CD1B: variants seen among roughly 807,000 people sequenced by gnomAD.
CD1B encodes CD1b molecule.
A neutral mutation model predicts 39.8 loss-of-function variants in CD1B; 43 were observed. That is an observed-to-expected ratio of 1.08 (90% CI 0.85 to 1.39). CD1B has a LOEUF of 1.39. Ranked by LOEUF, CD1B falls within the 40% of genes most tolerant of loss-of-function variation. The pLI, the probability that CD1B is intolerant of heterozygous loss-of-function variation, is 0.00. For synonymous variants in CD1B, 192 were observed against 152.5 expected, an observed-to-expected ratio of 1.26 and a Z score of -1.91; for missense variants, 495 against 403.8, an observed-to-expected ratio of 1.23 and a Z score of -1.94.
At chr1:158,324,654 A>G (rs1439977361), downstream of CD1B, among the ~76,000 whole-genome samples, 1 of 152,158 alleles carries the variant, frequency 6.6e-6, no homozygotes, top group Non-Finnish European at 1.5e-5. Flanking sequence ...AAATTTCCAC[A>G]GGCTAATTTT....
Position 158,330,838 on chromosome 1 carries a change from C to A in CD1B, c.286G>T (p.Ala96Ser), listed in dbSNP as rs756501763. 3.1e-6 allele frequency: 5 copies of A among 1,613,920 alleles called. No homozygotes were observed. Among genetic ancestry groups the A allele is most frequent in the Non-Finnish European group, 2.5e-6 (3 of 1,179,958 alleles). ...EIFRVYIFGFAREVQDFAGDF... is the reference protein window; with the variant it reads ...EIFRVYIFGFSREVQDFAGDF... ...CCGGCAAAGTCTTGTACTTCTCGAGCGAATCCAAAGATGTAGACTCGGAAT... is the reference window on the plus strand; with the variant it reads ...CCGGCAAAGTCTTGTACTTCTCGAGAGAATCCAAAGATGTAGACTCGGAAT... The change falls in exon 2 of 6, where the codon GCT becomes TCT. Residue 96 changes from alanine (A) to serine (S), a missense_variant. By Grantham distance (99) the Ala-to-Ser change is moderately conservative (BLOSUM62 1). Coordinates refer to ENST00000368168, the MANE Select transcript of CD1B (RefSeq NM_001764.3).
the CD1B span, among the ~76,000 whole-genome samples, chr1:158,305,029 C>G: frequency 6.6e-6 from 1 of 152,142 alleles, no homozygotes; most frequent in Non-Finnish European, 1.5e-5. Flanking sequence ...AATCAGAGTG[C>G]CTCTCCTCCT....
rs752184874 is a variant in CD1B at position 158,331,393 on chromosome 1, C to T, written c.31G>A (p.Val11Ile). ...TCACTGTTACCACCAGGAAAGAGAACAGCTAACAGTTGAAATGGCAGCAGC... is the reference window on the plus strand; with the variant it reads ...TCACTGTTACCACCAGGAAAGAGAATAGCTAACAGTTGAAATGGCAGCAGC... MLLLPFQLLA[V>I]LFPGGNSEHA... The change falls in exon 1 of 6, where the codon GTT (valine) becomes ATT (isoleucine). Residue 11 changes from valine to isoleucine, a missense_variant. Coordinates refer to ENST00000368168, the MANE Select transcript of CD1B (RefSeq NM_001764.3). 2 of 1,614,060 alleles carry T rather than the reference C, an allele frequency of 1.2e-6. No homozygotes were observed. The highest frequency in any genetic ancestry group is 2.2e-5 in the East Asian group (1 of 44,876).
the CD1B span, among the ~76,000 whole-genome samples, chr1:158,316,318 C>A: frequency 2.6e-5 from 4 of 151,912 alleles, no homozygotes; most frequent in African/African-American, 4.9e-5. Context: ...TTGTTTTTAT[C>A]CTCTTTTATT....
In CD1B at chr1:158,330,887, C is replaced by A; in HGVS notation, c.237G>T (p.Lys79Asn). 6.2e-7 allele frequency: 1 copy of A among 1,614,072 alleles called. No individual in the cohort carries two copies. The highest frequency in any genetic ancestry group is 8.5e-7 in the Non-Finnish European group (1 of 1,179,922). The change falls in exon 2 of 6, where the codon AAG becomes AAT. Residue 79 changes from lysine to asparagine, a missense_variant. Physicochemically the swap from Lys to Asn is moderately conservative, Grantham distance 94. Coordinates refer to ENST00000368168, the MANE Select transcript of CD1B (RefSeq NM_001764.3). ...ATATCTCCTCTAACTCAGCAACCTC[C>A]TTATCACTAAAGTTACCTTTAGACC... ...KPWSKGNFSD[K>N]EVAELEEIFR...
chr1:158,292,413 G>T, the CD1B span: 1 of 1,568,532 alleles, frequency 6.4e-7, no homozygotes, highest in South Asian at 1.2e-5. Flanking sequence ...TTCAAGTACT[G>T]CCCCTTCTGT....
the CD1B span, chr1:158,289,678 C>T: frequency 6.1e-6 from 1 of 163,988 alleles, no homozygotes; most frequent in African/African-American, 2.4e-5. Context: ...TTAAAACAAG[C>T]AGGAACTGAA....
At chr1:158,314,174 T>A in the CD1B span, among the ~76,000 whole-genome samples, 1 of 152,180 alleles carries the variant, frequency 6.6e-6, no homozygotes, top group African/African-American at 2.4e-5. Context: ...AACCTCTGCC[T>A]CCCAGGTTCA....
chr1:158,292,522 C>T, the CD1B span: 2 of 1,525,630 alleles, frequency 1.3e-6, no homozygotes, highest in South Asian at 2.4e-5. Context: ...TGTGCATATT[C>T]ATGTGGATGT....
At chr1:158,320,324 G>A in the CD1B span, among the ~76,000 whole-genome samples, 1 of 152,212 alleles carries the variant, frequency 6.6e-6, no homozygotes, top group Non-Finnish European at 1.5e-5. Flanking sequence ...TGTGGGCGTA[G>A]GACCCTCCGA....
rs367979289 is a variant in CD1B at position 158,329,434 on chromosome 1, C to T, written c.822G>A (p.Ala274=). The T allele has an allele frequency of 4.8e-5, 78 of 1,614,140 alleles. No individual in the cohort carries two copies. Among genetic ancestry groups the T allele is most frequent in the African/African-American group, 1.3e-4 (10 of 75,028 alleles). Residue 274 remains alanine, a synonymous_variant, in exon 4 of 6, where the codon GCG becomes GCA. Coordinates refer to ENST00000368168, the MANE Select transcript of CD1B (RefSeq NM_001764.3). ...GCTTCACCCGACAGGACAGGCCAGC[C>T]GCCTCCCCATCTGCCACATCCAGGG... The part of the protein sequence containing the change: ...RATLDVADGE[A]AGLSCRVKHS...
chr1:158,328,853 TA>T (rs1283454875), intron 5 of CD1B, 67 bp downstream of exon 5: 2 of 1,087,446 alleles, frequency 1.8e-6, no homozygotes. Context: ...GATAAAATGG[TA>T]AAAAACAGTG....
chr1:158,293,853 C>T, the CD1B span, among the ~76,000 whole-genome samples: 1 of 152,172 alleles, frequency 6.6e-6, no homozygotes, highest in Admixed American at 6.5e-5. Context: ...TGTGCCTTTC[C>T]TGCATATGAT....
At chr1:158,327,629 C>A (rs750895365), downstream of CD1B, among the ~76,000 whole-genome samples, 2 of 152,164 alleles carry the variant, frequency 1.3e-5, no homozygotes. Context: ...GGAACACTGT[C>A]CTCAAGGAAC....
the CD1B span, chr1:158,289,825 T>C: frequency 6.5e-6 from 3 of 464,048 alleles, no homozygotes; most frequent in Non-Finnish European, 1.2e-5. Context: ...TGGAGCTTAG[T>C]GGCAGAGCAG....
At chr1:158,297,588 T>C in the CD1B span, among the ~76,000 whole-genome samples, 2 of 152,142 alleles carry the variant, frequency 1.3e-5, no homozygotes, top group African/African-American at 4.8e-5. Context: ...TTCTCACTTA[T>C]CAATATTTAC....
chr1:158,315,549 C>T, the CD1B span, among the ~76,000 whole-genome samples: 34 of 151,028 alleles, frequency 2.3e-4, no homozygotes, highest in Middle Eastern at 3.4e-3. Context: ...TGTAGATTCT[C>T]GATATTAGCC....
At chr1:158,291,095 T>G in the CD1B span, 18 of 1,567,862 alleles carry the variant, frequency 1.1e-5, no homozygotes, top group African/African-American at 2.8e-5. Flanking sequence ...TCTCTTTTTT[T>G]TTTTTTCCTT....
downstream of CD1B, among the ~76,000 whole-genome samples, chr1:158,326,587 T>C (rs1244238084): frequency 6.6e-6 from 1 of 152,038 alleles, no homozygotes; most frequent in Non-Finnish European, 1.5e-5. Flanking sequence ...TATTAAGAAA[T>C]CTTTTATTTG....
Sources: gnomAD v4.1 joint callset for allele counts (sites outside exome capture counted in the v4.1 genomes callset) on GRCh38, gnomAD v4.1.1 for gene constraint, MANE v1.5 for transcripts, NCBI Gene and HGNC (gene_info 2026-07-23, HGNC 2026-07-21) for gene names.